AKT3: variants seen among roughly 807,000 people sequenced by gnomAD.
AKT3 encodes RAC-gamma serine/threonine-protein kinase.
In AKT3, 15 loss-of-function variants were observed where a neutral mutation model predicts 65.3. That is an observed-to-expected ratio of 0.23 (90% confidence interval 0.15 to 0.35). The LOEUF (loss-of-function observed/expected upper bound fraction) is 0.35, where lower values mean the gene tolerates loss of function less well. Among genes scored for constraint, AKT3 ranks in the 10% least tolerant of loss-of-function variants. The pLI, the probability that AKT3 is intolerant of heterozygous loss-of-function variation, is 1.00. For synonymous variants in AKT3, 206 were observed against 183.8 expected (o/e 1.12, Z -0.98); for missense variants, 243 against 576.5 (o/e 0.42, Z 5.92).
chr1:243,624,510 C>T (rs1679005533), intron 6 of AKT3, among the ~76,000 whole-genome samples: 1 of 152,038 alleles, frequency 6.6e-6, no homozygotes, highest in Non-Finnish European at 1.5e-5. Flanking sequence ...AGGCTAACTG[C>T]TTGGAATAAC....
intron 2 of AKT3, among the ~76,000 whole-genome samples, chr1:243,831,636 A>G (rs967260802): frequency 6.6e-6 from 1 of 152,190 alleles, no homozygotes; most frequent in African/African-American, 2.4e-5. Flanking sequence ...CAGTTACTCA[A>G]AGAGAGAAAA....
At chr1:243,840,529 GCTCT>G (rs1184600900) in intron 2 of AKT3, among the ~76,000 whole-genome samples, 1 of 152,116 alleles carries the variant, frequency 6.6e-6, no homozygotes, top group African/African-American at 2.4e-5. Context: ...AAATCCATTT[GCTCT>G]CTAAGAATCT....
intron 9 of AKT3, among the ~76,000 whole-genome samples, chr1:243,572,129 C>A (rs1674606223): frequency 6.6e-6 from 1 of 152,238 alleles, no homozygotes; most frequent in Middle Eastern, 3.4e-3. Context: ...TTAATGTCGC[C>A]AACCTAATTC....
intron 8 of AKT3, among the ~76,000 whole-genome samples, chr1:243,606,678 C>T (rs1364356030): frequency 6.6e-6 from 1 of 152,222 alleles, no homozygotes; most frequent in African/African-American, 2.4e-5. Context: ...GCATAAGTAA[C>T]AAGGAGCCAG....
intron 2 of AKT3, among the ~76,000 whole-genome samples, chr1:243,738,961 T>C (rs1687991550): frequency 6.6e-6 from 1 of 152,182 alleles, no homozygotes; most frequent in Non-Finnish European, 1.5e-5. Context: ...GGAGGCTCCC[T>C]TTTCCTTCTT....
At chr1:243,849,434 CG>C (rs1558869413) in intron 1 of AKT3, among the ~76,000 whole-genome samples, 2 of 119,946 alleles carry the variant, frequency 1.7e-5, no homozygotes. Flanking sequence ...GCGCCAGTGG[CG>C]GGGAAGGGTG....
intron 2 of AKT3, among the ~76,000 whole-genome samples, chr1:243,725,134 A>G (rs898438559): frequency 4.6e-5 from 7 of 151,856 alleles, no homozygotes; most frequent in African/African-American, 1.7e-4. Flanking sequence ...GAGTTTGAGG[A>G]TGCAGTGAGC....
intron 3 of AKT3, among the ~76,000 whole-genome samples, chr1:243,694,017 G>C (rs1684896095): frequency 1.3e-5 from 2 of 152,128 alleles, no homozygotes; most frequent in Non-Finnish European, 1.5e-5. Context: ...TTCAGCCTCT[G>C]CCAGTGGAAG....
chr1:243,659,203 G>A (rs771383921), intron 4 of AKT3, among the ~76,000 whole-genome samples: 8 of 152,206 alleles, frequency 5.3e-5, no homozygotes, highest in Non-Finnish European at 1.2e-4. Flanking sequence ...CTTATGTGAT[G>A]TGTCTAAAGT....
chr1:243,514,363 A>T (rs552404654), intron 12 of AKT3, among the ~76,000 whole-genome samples: 11 of 152,264 alleles, frequency 7.2e-5, no homozygotes, highest in Admixed American at 3.9e-4. Context: ...CACAGTTTTC[A>T]AAAGATTATA....
At chr1:243,741,182 T>C (rs1688132651) in intron 2 of AKT3, among the ~76,000 whole-genome samples, 1 of 152,204 alleles carries the variant, frequency 6.6e-6, no homozygotes, top group Non-Finnish European at 1.5e-5. Flanking sequence ...ATTTTCATGA[T>C]AGGACCTTTG....
intron 12 of AKT3, among the ~76,000 whole-genome samples, chr1:243,538,297 AAC>A (rs1238455133): frequency 6.6e-6 from 1 of 152,130 alleles, no homozygotes; most frequent in Non-Finnish European, 1.5e-5. Context: ...CAAACAATAA[AAC>A]AGACATACAA....
Position 243,503,676 on chromosome 1 carries a change from C to T in AKT3, c.*1573G>A, listed in dbSNP as rs952923823. ...GTGAGAAATGTTGGAATCTGGGGGACATGAGTATATACAGAAAAAGAAAAG... is the reference window on the plus strand; with the variant it reads ...GTGAGAAATGTTGGAATCTGGGGGATATGAGTATATACAGAAAAAGAAAAG... On this transcript the variant is annotated 3_prime_UTR_variant, in exon 14 of 14. Transcript: ENST00000673466. 1 of 232,358 alleles carries T rather than the reference C, an allele frequency of 4.3e-6. No individual in the cohort carries two copies. Among genetic ancestry groups the T allele is most frequent in the Non-Finnish European group, 8.5e-6 (1 of 117,322 alleles). 14.4% of individuals were successfully genotyped at this position (232,358 alleles called of 1,614,324 possible).
chr1:243,812,873 C>T (rs1008660407), intron 2 of AKT3, among the ~76,000 whole-genome samples: 2 of 151,944 alleles, frequency 1.3e-5, no homozygotes, highest in African/African-American at 2.4e-5. Context: ...TTTGTAGGGA[C>T]ATGGATGAAG....
intron 1 of AKT3, among the ~76,000 whole-genome samples, chr1:243,846,557 G>A (rs933045425): frequency 3.9e-5 from 6 of 152,102 alleles, no homozygotes; most frequent in African/African-American, 1.4e-4. Flanking sequence ...AGTATTCAAA[G>A]ATTACTTGGC....
At chr1:243,715,057 A>T (rs747895335) in intron 2 of AKT3, among the ~76,000 whole-genome samples, 1 of 152,084 alleles carries the variant, frequency 6.6e-6, no homozygotes, top group Non-Finnish European at 1.5e-5. Flanking sequence ...TATCCTTCTG[A>T]TCAATATTTT....
chr1:243,533,613 A>G (rs1314369814), intron 12 of AKT3, among the ~76,000 whole-genome samples: 7 of 152,238 alleles, frequency 4.6e-5, no homozygotes, highest in Non-Finnish European at 1.0e-4. Context: ...ATGTTGCCTT[A>G]TACAATGCTC....
At chr1:243,834,709 C>G (rs748890563) in intron 2 of AKT3, among the ~76,000 whole-genome samples, 2 of 150,912 alleles carry the variant, frequency 1.3e-5, no homozygotes, top group African/African-American at 4.9e-5. Flanking sequence ...TAACATCTAA[C>G]CAATAATGTA....
chr1:243,510,251 C>G (rs1450676945), intron 13 of AKT3, among the ~76,000 whole-genome samples: 1 of 152,118 alleles, frequency 6.6e-6, no homozygotes, highest in Non-Finnish European at 1.5e-5. Flanking sequence ...AGGCCCTCAC[C>G]ATATTCTGTG....
Sources: gnomAD v4.1 joint callset for allele counts (sites outside exome capture counted in the v4.1 genomes callset) on GRCh38, gnomAD v4.1.1 for gene constraint, MANE v1.5 for transcripts, NCBI Gene and HGNC (gene_info 2026-07-23, HGNC 2026-07-21) for gene names.